The following EYS variants were observed in gnomAD, a reference collection of about 807,000 sequenced individuals.
EYS encodes the protein EGF-like photoreceptor maintenance factor, also known as protein eyes shut homolog.
In EYS, 250 loss-of-function variants were observed where a neutral mutation model predicts 282.1. The ratio of observed to expected loss-of-function variants is 0.89; its 90% CI spans 0.80 to 0.98. EYS has a LOEUF of 0.98. Ranked by LOEUF, EYS falls within the 50% of genes least tolerant of loss-of-function variation. The pLI is 0.00. For synonymous variants in EYS, 1,355 were observed against 1,282.9 expected, an observed-to-expected ratio of 1.06 and a Z score of -1.20; for missense variants, 4,016 against 3,709.0, an observed-to-expected ratio of 1.08 and a Z score of -2.15.
chr6:64,143,012 CATGAA>C (rs1774389641), intron 31 of EYS, among the ~76,000 whole-genome samples: 1 of 152,020 alleles, frequency 6.6e-6, no homozygotes, highest in Non-Finnish European at 1.5e-5. Flanking sequence ...GTGAGAAAGC[CATGAA>C]AAGATGTGGA....
intron 5 of EYS, among the ~76,000 whole-genome samples, chr6:65,441,311 C>G (rs995501783): frequency 4.6e-5 from 7 of 151,562 alleles, no homozygotes; most frequent in Non-Finnish European, 1.0e-4. Context: ...AGAACTTTTA[C>G]TTTTTAATAT....
At chr6:63,850,643 C>G in intron 36 of EYS, among the ~76,000 whole-genome samples, 1 of 152,104 alleles carries the variant, frequency 6.6e-6, no homozygotes, top group Middle Eastern at 3.2e-3. Context: ...TTTGTGACCA[C>G]CAGGTCAGCC....
At chr6:64,291,502 A>G (rs1236129713) in intron 30 of EYS, among the ~76,000 whole-genome samples, 1 of 152,100 alleles carries the variant, frequency 6.6e-6, no homozygotes, top group Non-Finnish European at 1.5e-5. Flanking sequence ...ATAAATATTG[A>G]TAGCTTTCAA....
chr6:64,761,861 G>T (rs1035990070), intron 22 of EYS, among the ~76,000 whole-genome samples: 1 of 152,152 alleles, frequency 6.6e-6, no homozygotes, highest in Non-Finnish European at 1.5e-5. Flanking sequence ...TGTATAATAT[G>T]ATTTATAGAT....
At position 63,943,767 on chromosome 6, in the gene EYS, T is replaced by C. The variant is rs116318420; in HGVS notation, c.7055+40616A>G. Among the ~76,000 whole-genome samples the C allele has an allele frequency of 8.8e-4, 134 of 152,344 alleles. 1 individual carries two copies. The highest frequency in any genetic ancestry group is 3.1e-3 in the African/African-American group (130 of 41,586). Reference sequence around the variant, plus strand: ...AGCATTTCTCCAGATAGATAGTAACTTGACAAAATTACTATTCTCTCCATG... The same window carrying C: ...AGCATTTCTCCAGATAGATAGTAACCTGACAAAATTACTATTCTCTCCATG... On this transcript the variant is annotated intron_variant, in intron 35 of 42. Transcript: ENST00000503581.
chr6:65,395,220 T>C (rs1168808988), intron 7 of EYS, among the ~76,000 whole-genome samples: 1 of 152,110 alleles, frequency 6.6e-6, no homozygotes, highest in Middle Eastern at 3.2e-3. Flanking sequence ...TGCGCCACCA[T>C]GCCCGGCTAA....
chr6:64,411,248 G>A (rs979860966), intron 28 of EYS, among the ~76,000 whole-genome samples: 32 of 152,046 alleles, frequency 2.1e-4, no homozygotes, highest in African/African-American at 6.7e-4. Context: ...GAGAGAAAAT[G>A]ATTACAATAC....
chr6:65,325,683 G>A (rs966710759), intron 11 of EYS, among the ~76,000 whole-genome samples: 1 of 152,050 alleles, frequency 6.6e-6, no homozygotes, highest in Non-Finnish European at 1.5e-5. Flanking sequence ...TTTCTGATTT[G>A]GGTGGCCTGT....
At chr6:65,467,514 C>T (rs1199841661) in intron 5 of EYS, among the ~76,000 whole-genome samples, 1 of 151,710 alleles carries the variant, frequency 6.6e-6, no homozygotes, top group East Asian at 1.9e-4. Context: ...AACACACACA[C>T]ACACACATAC....
At chr6:64,861,218 C>T (rs181365272) in intron 19 of EYS, among the ~76,000 whole-genome samples, 48 of 152,330 alleles carry the variant, frequency 3.2e-4, no homozygotes, top group Admixed American at 2.3e-3. Context: ...CTCCCATGCT[C>T]GTTGGTGCCC....
intron 2 of EYS, among the ~76,000 whole-genome samples, chr6:65,626,711 C>T (rs1305278570): frequency 6.6e-6 from 1 of 152,070 alleles, no homozygotes; most frequent in Non-Finnish European, 1.5e-5. Context: ...TGAGGAATGA[C>T]TAATTTGCAA....
At chr6:65,416,285 A>G (rs1409641468) in intron 5 of EYS, among the ~76,000 whole-genome samples, 1 of 152,042 alleles carries the variant, frequency 6.6e-6, no homozygotes, top group East Asian at 1.9e-4. Flanking sequence ...AGTACAGTAC[A>G]TTTTTCATAG....
At chr6:65,073,561 T>A (rs1773960550) in intron 12 of EYS, among the ~76,000 whole-genome samples, 1 of 151,588 alleles carries the variant, frequency 6.6e-6, no homozygotes, top group Non-Finnish European at 1.5e-5. Flanking sequence ...GCTCAGAATA[T>A]AGATATATAA....
chr6:64,712,622 T>C (rs1436728118), intron 22 of EYS, among the ~76,000 whole-genome samples: 2 of 152,226 alleles, frequency 1.3e-5, no homozygotes, highest in African/African-American at 4.8e-5. Context: ...ATTGTGTATA[T>C]TTGTCAGAAT....
intron 10 of EYS, among the ~76,000 whole-genome samples, chr6:65,336,814 T>G (rs1770006557): frequency 6.6e-6 from 1 of 151,582 alleles, no homozygotes; most frequent in South Asian, 2.1e-4. Flanking sequence ...CTTCCACAGA[T>G]ATGCCCAGTG....
At chr6:64,119,673 A>T (rs1773508510) in intron 31 of EYS, among the ~76,000 whole-genome samples, 1 of 152,236 alleles carries the variant, frequency 6.6e-6, no homozygotes, top group Non-Finnish European at 1.5e-5. Context: ...AACTTAATAT[A>T]GCTAAGGATA....
At chr6:63,831,383 A>G (rs963778826) in intron 36 of EYS, among the ~76,000 whole-genome samples, 1 of 152,218 alleles carries the variant, frequency 6.6e-6, no homozygotes, top group East Asian at 1.9e-4. Flanking sequence ...TCTACCAAGC[A>G]AATGGAAAAC....
rs144287797 is a variant in EYS at position 64,826,619 on chromosome 6, G to A, written c.2993-3797C>T. Among the ~76,000 whole-genome samples the A allele has an allele frequency of 5.4e-3, 804 of 150,102 alleles. 10 individuals carry two copies. Among genetic ancestry groups the A allele is most frequent in the African/African-American group, 0.018 (726 of 41,066 alleles). On this transcript the variant is annotated intron_variant, in intron 19 of 42. Transcript: ENST00000503581. ...TAGGTTTGATCAGCAAAACATTTTC[G>A]TGCATCAACAATATTATAATAGAAA... is the stretch of plus-strand genomic sequence containing the variant.
intron 10 of EYS, among the ~76,000 whole-genome samples, chr6:65,342,329 CAG>C (rs995348771): frequency 6.6e-6 from 1 of 150,956 alleles, no homozygotes; most frequent in Non-Finnish European, 1.5e-5. Context: ...ATTTTAATAA[CAG>C]ATATAATTTA....
Sources: gnomAD v4.1 joint callset for allele counts (sites outside exome capture counted in the v4.1 genomes callset) on GRCh38, gnomAD v4.1.1 for gene constraint, MANE v1.5 for transcripts, NCBI Gene and HGNC (gene_info 2026-07-23, HGNC 2026-07-21) for gene names.